KAZN: variants seen among roughly 807,000 people sequenced by gnomAD.
KAZN encodes the protein kazrin.
KAZN carries 40 observed loss-of-function variants against 87.4 expected under a neutral mutation model. The observed-to-expected ratio is 0.46, with a 90% CI of 0.36 to 0.60. The LOEUF (loss-of-function observed/expected upper bound fraction) is 0.60. Among genes scored for constraint, KAZN ranks in the 20% least tolerant of loss-of-function variants. The pLI is 0.00. For synonymous variants in KAZN, 466 were observed against 458.3 expected (o/e 1.02, Z -0.22); for missense variants, 898 against 1,073.9 (o/e 0.84, Z 2.29).
intron 1 of KAZN, among the ~76,000 whole-genome samples, chr1:13,990,422 G>T (rs1557767410): frequency 6.6e-6 from 1 of 152,176 alleles, no homozygotes; most frequent in Non-Finnish European, 1.5e-5. Flanking sequence ...AAAGCCAGAT[G>T]TAAAGGAGAA....
rs1640740204 is a variant in KAZN at position 15,094,960 on chromosome 1, G to T, written c.1547+27G>T. 6.7e-7 allele frequency: 1 copy of T among 1,502,348 alleles called. No homozygotes were observed. Among genetic ancestry groups the T allele is most frequent in the Non-Finnish European group, 9.1e-7 (1 of 1,104,888 alleles). 93.1% of individuals were successfully genotyped at this position (1,502,348 alleles called of 1,614,324 possible). A position where few individuals can be genotyped will look rare whatever the true frequency, so the allele number is the denominator to read the frequency against. ...TGAGCCCACCACGAGGGGCCCCGGG[G>T]GAGGAGAGAAAAAGTCATCCTGAGG... On this transcript the variant is annotated intron_variant, in intron 10 of 14. Coordinates refer to ENST00000376030, the MANE Select transcript of KAZN (RefSeq NM_201628.3). This position sits in a 1 kb window ranked among gnomAD's most constrained non-coding sequence, Gnocchi z 4.5.
intron 1 of KAZN, among the ~76,000 whole-genome samples, chr1:14,771,584 G>A (rs933195866): frequency 6.6e-6 from 1 of 152,128 alleles, no homozygotes; most frequent in Non-Finnish European, 1.5e-5. Context: ...CCAGCACTTT[G>A]GGAGGCCAAG....
chr1:14,408,572 A>G (rs1485088566), intron 2 of KAZN, among the ~76,000 whole-genome samples: 1 of 152,194 alleles, frequency 6.6e-6, no homozygotes, highest in Non-Finnish European at 1.5e-5. Context: ...CCCAGGTTCC[A>G]TCGTCTCAAC....
intron 1 of KAZN, among the ~76,000 whole-genome samples, chr1:14,711,539 G>T (rs537811942): frequency 6.6e-6 from 1 of 152,230 alleles, no homozygotes; most frequent in Admixed American, 6.5e-5. Context: ...GGGTGGGGTG[G>T]GACCTGTGAT....
chr1:14,785,559 C>T (rs939339064), intron 1 of KAZN, among the ~76,000 whole-genome samples: 2 of 152,132 alleles, frequency 1.3e-5, no homozygotes, highest in African/African-American at 4.8e-5. Context: ...CCTTCCTGCT[C>T]CGACCCTCAC....
At chr1:14,246,728 C>G (rs78064914) in intron 2 of KAZN, among the ~76,000 whole-genome samples, 5,740 of 152,220 alleles carry the variant, frequency 0.038, 351 homozygotes, top group African/African-American at 0.13. Flanking sequence ...TCATAAACAG[C>G]CTAGTTTTAG....
intron 1 of KAZN, among the ~76,000 whole-genome samples, chr1:14,882,506 A>T (rs2101105484): frequency 6.6e-6 from 1 of 152,242 alleles, no homozygotes; most frequent in Non-Finnish European, 1.5e-5. Flanking sequence ...ACCCTGCTCG[A>T]GGTCAGGCAT....
At chr1:14,545,948 C>T (rs1401586326) in intron 2 of KAZN, among the ~76,000 whole-genome samples, 1 of 152,130 alleles carries the variant, frequency 6.6e-6, no homozygotes, top group Non-Finnish European at 1.5e-5. Flanking sequence ...TACCATGTCC[C>T]TACCATGATC....
At chr1:13,900,328 C>G (rs1639202976) in intron 1 of KAZN, among the ~76,000 whole-genome samples, 1 of 152,132 alleles carries the variant, frequency 6.6e-6, no homozygotes, top group Non-Finnish European at 1.5e-5. Context: ...CCTCCAGCAG[C>G]CCCTCCCTGC....
intron 1 of KAZN, among the ~76,000 whole-genome samples, chr1:14,048,298 C>A (rs1382948111): frequency 6.6e-6 from 1 of 152,190 alleles, no homozygotes; most frequent in African/African-American, 2.4e-5. Context: ...CCATGCCTAC[C>A]ATCCTGCCCT....
intron 1 of KAZN, among the ~76,000 whole-genome samples, chr1:14,884,639 A>G (rs1053637920): frequency 6.6e-6 from 1 of 152,322 alleles, no homozygotes; most frequent in Admixed American, 6.5e-5. Flanking sequence ...CTTCATGTGC[A>G]TGGAAATCAC....
intron 1 of KAZN, among the ~76,000 whole-genome samples, chr1:14,837,289 C>T (rs1371588456): frequency 6.6e-5 from 10 of 152,226 alleles, no homozygotes; most frequent in African/African-American, 2.4e-4. Context: ...ACCTCCGCTT[C>T]CCAGGTTCAA....
intron 2 of KAZN, among the ~76,000 whole-genome samples, chr1:14,576,331 T>TGGATGGATGGAC (rs1491446005): frequency 5.9e-5 from 8 of 135,464 alleles, no homozygotes; most frequent in East Asian, 2.1e-4. Context: ...GATGGATGGA[T>TGGATGGATGGAC]GGACGGACAG....
At chr1:15,037,899 T>A (rs527344420) in intron 3 of KAZN, among the ~76,000 whole-genome samples, 21 of 152,100 alleles carry the variant, frequency 1.4e-4, no homozygotes, top group African/African-American at 5.1e-4. Flanking sequence ...GACCCAGGAA[T>A]CAGGAGCTAG....
rs571766908 is a variant in KAZN, at chr1:14,094,169, G to A, written c.92-86266G>A. ...GGAGGAGAATGAGGAGTGAGAAACG[G>A]GAGGGCAGGAGAAGGTCAAAGGGAT... is the stretch of plus-strand genomic sequence containing the variant. On this transcript the variant is annotated intron_variant, in intron 1 of 16. Coordinates refer to the KAZN transcript ENST00000636203. Among the ~76,000 whole-genome samples the A allele has an allele frequency of 2.6e-5, 4 of 152,222 alleles. No homozygotes were observed. The East Asian group carries it at 7.7e-4, about 29-fold the overall frequency.
At chr1:14,352,121 T>C (rs1440174233) in intron 2 of KAZN, among the ~76,000 whole-genome samples, 1 of 152,238 alleles carries the variant, frequency 6.6e-6, no homozygotes, top group East Asian at 1.9e-4. Flanking sequence ...CAAATCTTTG[T>C]ATAATGTTAT....
At chr1:14,994,887 G>C (rs550483517) in intron 2 of KAZN, among the ~76,000 whole-genome samples, 2 of 152,348 alleles carry the variant, frequency 1.3e-5, no homozygotes, top group Admixed American at 1.3e-4. Flanking sequence ...TAGCCCCCCA[G>C]CCCTGAAGTG....
At chr1:14,736,082 A>T (rs1643888978) in intron 1 of KAZN, among the ~76,000 whole-genome samples, 2 of 152,202 alleles carry the variant, frequency 1.3e-5, no homozygotes, top group Non-Finnish European at 2.9e-5. Context: ...CCGGTGGATG[A>T]GGCCAGGTGA....
intron 2 of KAZN, among the ~76,000 whole-genome samples, chr1:14,303,402 C>G (rs1334822761): frequency 6.6e-6 from 1 of 152,164 alleles, no homozygotes; most frequent in East Asian, 1.9e-4. Flanking sequence ...TGCCACCACA[C>G]CCGGCTAATT....
Sources: gnomAD v4.1 joint callset for allele counts (sites outside exome capture counted in the v4.1 genomes callset) on GRCh38, gnomAD v4.1.1 for gene constraint, Gnocchi (gnomAD v3.1) non-coding constraint, MANE v1.5 for transcripts, NCBI Gene and HGNC (gene_info 2026-07-23, HGNC 2026-07-21) for gene names.